CPXM2: variants seen among roughly 807,000 people sequenced by gnomAD.
The protein encoded by CPXM2 is carboxypeptidase X, M14 family member 2.
A neutral mutation model predicts 86.1 loss-of-function variants in CPXM2; 66 were observed. The ratio of observed to expected loss-of-function variants is 0.77; its 90% CI spans 0.63 to 0.94. The LOEUF (loss-of-function observed/expected upper bound fraction) is 0.94. Ranked by LOEUF, CPXM2 falls within the 40% of genes least tolerant of loss-of-function variation. The probability of loss-of-function intolerance (pLI) is 0.00; values close to 1 mark genes in which losing one functional copy is unlikely to be tolerated. For synonymous variants in CPXM2, 388 were observed against 400.2 expected, an observed-to-expected ratio of 0.97 and a Z score of 0.36; for missense variants, 948 against 1,026.3, an observed-to-expected ratio of 0.92 and a Z score of 1.04.
At chr10:123,935,746 C>T (rs1945710002) in intron 2 of CPXM2, among the ~76,000 whole-genome samples, 1 of 152,110 alleles carries the variant, frequency 6.6e-6, no homozygotes. Flanking sequence ...AGCATCATCA[C>T]CATCATCATC....
intron 6 of CPXM2, among the ~76,000 whole-genome samples, chr10:123,784,271 G>A (rs1847001150): frequency 6.6e-6 from 1 of 152,172 alleles, no homozygotes; most frequent in Admixed American, 6.5e-5. Context: ...TCGTACCACT[G>A]GCAGCTCTGA....
At chr10:123,931,939 C>T (rs993303995) in intron 2 of CPXM2, among the ~76,000 whole-genome samples, 1 of 152,112 alleles carries the variant, frequency 6.6e-6, no homozygotes, top group Non-Finnish European at 1.5e-5. Flanking sequence ...ACTATGGATG[C>T]TTTACTATGA....
At chr10:123,916,778 C>T (rs199771935) in intron 2 of CPXM2, among the ~76,000 whole-genome samples, 1 of 146,206 alleles carries the variant, frequency 6.8e-6, no homozygotes, top group African/African-American at 2.7e-5. Context: ...CTCTCTCTCT[C>T]TTTTTTTTTT....
rs145029614 is a variant in CPXM2 at position 123,866,014 on chromosome 10, C to T, written c.404-3291G>A. On this transcript the variant is annotated intron_variant, in intron 2 of 13. Transcript: ENST00000241305. ...TCCTCCACCCCCACACCACACACAG[C>T]CCTGGTTTCCATCACACAATGTTCT... is the stretch of plus-strand genomic sequence containing the variant. Among the ~76,000 whole-genome samples the T allele has an allele frequency of 6.8e-3, 1,036 of 152,228 alleles. 17 individuals are homozygous for T. The highest frequency in any genetic ancestry group is 0.024 in the African/African-American group (989 of 41,536).
At chr10:123,931,991 A>G (rs1007872947) in intron 2 of CPXM2, among the ~76,000 whole-genome samples, 2 of 152,228 alleles carry the variant, frequency 1.3e-5, no homozygotes, top group African/African-American at 4.8e-5. Context: ...GTCTTAAGTC[A>G]GTATACAGAG....
At chr10:123,802,395 T>C (rs904051415) in intron 4 of CPXM2, among the ~76,000 whole-genome samples, 7 of 152,240 alleles carry the variant, frequency 4.6e-5, no homozygotes, top group African/African-American at 1.4e-4. Context: ...TGGGTCCTCT[T>C]GTCCTAGGTT....
intron 4 of CPXM2, among the ~76,000 whole-genome samples, chr10:123,823,150 AT>A (rs2134116086): frequency 6.6e-6 from 1 of 152,328 alleles, no homozygotes; most frequent in East Asian, 1.9e-4. Flanking sequence ...CCCAAGCTCC[AT>A]TTCCAGAAGA....
chr10:123,928,094 A>G (rs1945639290), intron 2 of CPXM2, among the ~76,000 whole-genome samples: 1 of 152,172 alleles, frequency 6.6e-6, no homozygotes, highest in African/African-American at 2.4e-5. Context: ...CTCCACCACC[A>G]TGTACTCCTA....
At chr10:123,843,244 G>A (rs1183641574) in intron 3 of CPXM2, 1 of 454,136 alleles carries the variant, frequency 2.2e-6, no homozygotes, top group East Asian at 7.0e-5. Context: ...ACACCACCAT[G>A]CCCTGCTCCA....
chr10:123,843,547 C>A (rs1306944745), intron 3 of CPXM2, among the ~76,000 whole-genome samples: 1 of 149,928 alleles, frequency 6.7e-6, no homozygotes, highest in Non-Finnish European at 1.5e-5. Flanking sequence ...CATTCTCCTG[C>A]AAAGCTATTT....
At chr10:123,913,801 G>A (rs536559778) in intron 2 of CPXM2, 2 of 321,890 alleles carry the variant, frequency 6.2e-6, no homozygotes, top group Non-Finnish European at 1.2e-5. Context: ...ATAAAGCTCT[G>A]AAAGAAAGAT....
At chr10:123,918,072 G>A (rs74503085) in intron 2 of CPXM2, among the ~76,000 whole-genome samples, 3,724 of 152,218 alleles carry the variant, frequency 0.024, 172 homozygotes, top group African/African-American at 0.085. Context: ...AGAAAATATG[G>A]GCAGCGCATT....
intron 2 of CPXM2, among the ~76,000 whole-genome samples, chr10:123,923,037 A>C (rs1444800791): frequency 6.6e-6 from 1 of 152,174 alleles, no homozygotes; most frequent in African/African-American, 2.4e-5. Flanking sequence ...AGATCTATTC[A>C]AGCCTCTATA....
intron 2 of CPXM2, among the ~76,000 whole-genome samples, chr10:123,874,101 G>C (rs1944939701): frequency 3.9e-5 from 6 of 152,036 alleles, no homozygotes; most frequent in Admixed American, 3.3e-4. Flanking sequence ...GAGCTCAGGT[G>C]ATCTGGCTGC....
rs573968417 is a variant in CPXM2 at position 123,751,595 on chromosome 10, C to T, written c.2017+3068G>A. Reference sequence around the variant, plus strand: ...AGGACAGGCATGTGGAACGGTGAGCCGGGTGTCTGTCCAACATACTGATAT... The same window carrying T: ...AGGACAGGCATGTGGAACGGTGAGCTGGGTGTCTGTCCAACATACTGATAT... On this transcript the variant is annotated intron_variant, in intron 13 of 13. Coordinates refer to ENST00000241305, the MANE Select transcript of CPXM2 (RefSeq NM_198148.3). 134 of 985,326 alleles carry T rather than the reference C, an allele frequency of 1.4e-4. 1 individual carries two copies. In the Middle Eastern group the frequency reaches 1.6e-3, roughly 12 times the overall value. 61.0% of individuals were successfully genotyped at this position (985,326 alleles called of 1,614,324 possible). A position where few individuals can be genotyped will look rare whatever the true frequency, so the allele number is the denominator to read the frequency against.
rs114363111 is a variant in CPXM2 at position 123,813,240 on chromosome 10, C to T, written c.654-14041G>A. 1.0e-2 allele frequency among the ~76,000 whole-genome samples: 1,522 copies of T among 152,316 alleles called. 21 individuals carry two copies. The highest frequency in any genetic ancestry group is 0.033 in the African/African-American group (1,362 of 41,568). On this transcript the variant is annotated intron_variant, in intron 4 of 13. Transcript: ENST00000241305. ...GTATTAACATTTTCTAATAACAATT[C>T]ATCTGGCACTTCAGTTTGCAAAATG... is the stretch of plus-strand genomic sequence containing the variant.
chr10:123,781,147 G>C (rs1846924338), intron 6 of CPXM2, among the ~76,000 whole-genome samples: 1 of 152,238 alleles, frequency 6.6e-6, no homozygotes, highest in Non-Finnish European at 1.5e-5. Flanking sequence ...AGCTAAGCCA[G>C]TGGGAGCTGG....
chr10:123,842,219 T>C, intron 4 of CPXM2, 130 bp downstream of exon 4: 1 of 1,246,384 alleles, frequency 8.0e-7, no homozygotes, highest in Non-Finnish European at 1.1e-6. Flanking sequence ...CCTGTTCATA[T>C]TCCAATTTTC....
At chr10:123,763,838 T>C (rs1846404149) in intron 10 of CPXM2, among the ~76,000 whole-genome samples, 1 of 152,110 alleles carries the variant, frequency 6.6e-6, no homozygotes, top group Non-Finnish European at 1.5e-5. Context: ...CTTGCACATA[T>C]CACCAGAAGT....
Sources: gnomAD v4.1 joint callset for allele counts (sites outside exome capture counted in the v4.1 genomes callset) on GRCh38, gnomAD v4.1.1 for gene constraint, MANE v1.5 for transcripts, NCBI Gene and HGNC (gene_info 2026-07-23, HGNC 2026-07-21) for gene names.